TRAF3: variants seen among roughly 807,000 people sequenced by gnomAD.
The protein encoded by TRAF3 is TNF receptor associated factor 3.
A neutral mutation model predicts 62.3 loss-of-function variants in TRAF3; 13 were observed. The ratio of observed to expected loss-of-function variants is 0.21; its 90% confidence interval spans 0.14 to 0.33. TRAF3 has a LOEUF of 0.33. TRAF3 is among the 10% of genes least tolerant of loss of function. TRAF3 has a pLI of 1.00. For missense variants in TRAF3, 440 were observed against 741.8 expected, an observed-to-expected ratio of 0.59 and a Z score of 4.73; for synonymous variants, 269 against 283.4, an observed-to-expected ratio of 0.95 and a Z score of 0.51.
In TRAF3 at chr14:102,906,122, G is replaced by T; in HGVS notation, c.*338G>T. 4.6e-6 allele frequency: 1 copy of T among 218,864 alleles called. No homozygotes were observed. The highest frequency in any genetic ancestry group is 9.2e-6 in the Non-Finnish European group (1 of 109,130). The allele number at this position is 218,864 out of a possible 1,614,324, so 13.6% of individuals were successfully genotyped here. On this transcript the variant is annotated 3_prime_UTR_variant, in exon 12 of 12. Coordinates refer to ENST00000392745, the MANE Select transcript of TRAF3 (RefSeq NM_145725.3). ...AACATGATTTTTCTTCCTTAAACTT[G>T]AACACCAAAAAAACACACACACACA...
At chr14:102,807,963 G>A (rs1288799941) in intron 1 of TRAF3, among the ~76,000 whole-genome samples, 1 of 152,192 alleles carries the variant, frequency 6.6e-6, no homozygotes, top group African/African-American at 2.4e-5. Flanking sequence ...GGAAGTTGAG[G>A]CAGCATACCT....
In TRAF3 at chr14:102,905,963, T is replaced by C. The variant is rs996814544; in HGVS notation, c.*179T>C. On this transcript the variant is annotated 3_prime_UTR_variant, in exon 12 of 12. Coordinates refer to ENST00000392745, the MANE Select transcript of TRAF3 (RefSeq NM_145725.3). The stretch of plus-strand genomic sequence containing the variant: ...TGAGCACACCTGACACGTTTTATAA[T>C]AGACTAGCCACACTTCACTCTGAAG... 2.5e-5 allele frequency: 14 copies of C among 562,032 alleles called. No homozygotes were observed. Among genetic ancestry groups the C allele is most frequent in the Non-Finnish European group, 3.8e-5 (12 of 318,024 alleles). The allele number at this position is 562,032 out of a possible 1,614,324, so 34.8% of individuals were successfully genotyped here.
chr14:102,900,180 G>GGAA (rs1491368667), intron 10 of TRAF3, among the ~76,000 whole-genome samples: 2 of 91,446 alleles, frequency 2.2e-5, no homozygotes, highest in Non-Finnish European at 4.3e-5. Context: ...CTCCGTCTCG[G>GGAA]AAAAAAAAAA....
At chr14:102,871,600 C>G (rs1288057185) in intron 3 of TRAF3, among the ~76,000 whole-genome samples, 2 of 152,254 alleles carry the variant, frequency 1.3e-5, no homozygotes, top group Non-Finnish European at 2.9e-5. Flanking sequence ...CACTGAAGAG[C>G]TGCTCTGCAG....
At chr14:102,780,090 A>G (rs1317791475) in intron 1 of TRAF3, among the ~76,000 whole-genome samples, 2 of 152,184 alleles carry the variant, frequency 1.3e-5, no homozygotes, top group African/African-American at 2.4e-5. Context: ...AGAGTGAGAA[A>G]GAAGGAGGTG....
intron 1 of TRAF3, among the ~76,000 whole-genome samples, chr14:102,783,410 T>A (rs1256175770): frequency 6.6e-6 from 1 of 152,238 alleles, no homozygotes; most frequent in African/African-American, 2.4e-5. Context: ...ACTAGTTCTC[T>A]TGAGCTCTTT....
In TRAF3 at chr14:102,889,552, C is replaced by T. The variant is rs751024987; in HGVS notation, c.652-8C>T. On this transcript the variant is annotated splice_polypyrimidine_tract_variant and splice_region_variant and intron_variant, in intron 7 of 11. Transcript: ENST00000392745. Reference sequence around the variant, plus strand: ...TGTGCCACAACTCACGTCTCTTTCCCGTTGCAGTTGAGTGCACACTTGTCA... The same window carrying T: ...TGTGCCACAACTCACGTCTCTTTCCTGTTGCAGTTGAGTGCACACTTGTCA... 2.1e-5 allele frequency: 34 copies of T among 1,613,968 alleles called. No individual in the cohort carries two copies. Among genetic ancestry groups the T allele is most frequent in the African/African-American group, 4.0e-5 (3 of 74,940 alleles).
At chr14:102,861,429 G>A (rs1200422438) in intron 2 of TRAF3, among the ~76,000 whole-genome samples, 1 of 152,198 alleles carries the variant, frequency 6.6e-6, no homozygotes, top group African/African-American at 2.4e-5. Flanking sequence ...AGTCAAGCGT[G>A]CTTGCCTTTT....
At position 102,829,312 on chromosome 14, in the gene TRAF3, T is replaced by C. The variant is rs1352641754; in HGVS notation, c.-156-1022T>C. Among the ~76,000 whole-genome samples, 7 of 152,350 alleles carry C rather than the reference T, an allele frequency of 4.6e-5. 1 individual carries two copies. The highest frequency in any genetic ancestry group is 6.8e-3 in the Middle Eastern group (2 of 294). ...GCTGAGGGCCTGCATTCGTGATTAG[T>C]GTAAATAAATTCAGCTTTCCATATG... On this transcript the variant is annotated intron_variant, in intron 1 of 11. Transcript: ENST00000392745.
chr14:102,794,122 T>G (rs1897945913), intron 1 of TRAF3, among the ~76,000 whole-genome samples: 1 of 152,100 alleles, frequency 6.6e-6, no homozygotes, highest in Non-Finnish European at 1.5e-5. Context: ...CTCAGAACTC[T>G]TAGAGTGAGT....
intron 7 of TRAF3, among the ~76,000 whole-genome samples, chr14:102,888,793 A>G (rs1889550020): frequency 6.6e-6 from 1 of 152,224 alleles, no homozygotes; most frequent in Admixed American, 6.5e-5. Flanking sequence ...ACATGACTCT[A>G]AGTCCTTAAA....
rs999733460 is a variant in TRAF3, at chr14:102,906,754, A to G, written c.*970A>G. On this transcript the variant is annotated 3_prime_UTR_variant, in exon 12 of 12. Coordinates refer to ENST00000392745, the MANE Select transcript of TRAF3 (RefSeq NM_145725.3). ...GGACGAGCTCTCTGTTGCTGACAGC[A>G]CCGGCCTTCGGTCTCCATGTCAGGG... is the stretch of plus-strand genomic sequence containing the variant. 4 of 152,206 alleles carry G rather than the reference A, an allele frequency of 2.6e-5. No homozygotes were observed. Among genetic ancestry groups the G allele is most frequent in the African/African-American group, 9.6e-5 (4 of 41,452 alleles). 9.4% of individuals were successfully genotyped at this position (152,206 alleles called of 1,614,324 possible).
At chr14:102,805,005 G>C (rs1269306375) in intron 1 of TRAF3, among the ~76,000 whole-genome samples, 2 of 152,132 alleles carry the variant, frequency 1.3e-5, no homozygotes, top group Admixed American at 1.3e-4. Flanking sequence ...GACCTTCCCT[G>C]GACGTAGAAG....
rs146444647 is a variant in TRAF3 at position 102,865,434 on chromosome 14, G to C, written c.-17-4751G>C. ...TTGCTTCTGTGATAGAATTAGAGCT[G>C]CTTTCTGTTTTTATATATTGGATTG... On this transcript the variant is annotated intron_variant, in intron 2 of 11. Coordinates refer to ENST00000392745, the MANE Select transcript of TRAF3 (RefSeq NM_145725.3). 5.0e-3 allele frequency among the ~76,000 whole-genome samples: 764 copies of C among 151,808 alleles called. 3 individuals are homozygous for C. The highest frequency in any genetic ancestry group is 8.8e-3 in the Non-Finnish European group (598 of 67,968).
intron 10 of TRAF3, among the ~76,000 whole-genome samples, chr14:102,897,692 A>G (rs958488070): frequency 2.6e-5 from 4 of 152,192 alleles, no homozygotes; most frequent in Non-Finnish European, 5.9e-5. Context: ...CGAAGCTTGT[A>G]TTTGTTAAAT....
intron 1 of TRAF3, among the ~76,000 whole-genome samples, chr14:102,786,869 A>G (rs1897529890): frequency 6.6e-6 from 1 of 152,158 alleles, no homozygotes; most frequent in African/African-American, 2.4e-5. Flanking sequence ...GTGCTCCTGT[A>G]GTCCCATCTA....
intron 1 of TRAF3, among the ~76,000 whole-genome samples, chr14:102,818,418 G>A (rs1171456163): frequency 6.6e-6 from 1 of 152,202 alleles, no homozygotes; most frequent in Non-Finnish European, 1.5e-5. Context: ...ACTTCATGGA[G>A]TGGAAGCATT....
chr14:102,832,260 A>G (rs1327273886), intron 2 of TRAF3, among the ~76,000 whole-genome samples: 1 of 152,124 alleles, frequency 6.6e-6, no homozygotes, highest in African/African-American at 2.4e-5. Flanking sequence ...TCTTTCTTTT[A>G]AACATAAAAT....
rs1381571409 is a variant in TRAF3, at chr14:102,811,913, C to CCTTTT, written c.-156-18421_-156-18420insCTTTT. On this transcript the variant is annotated intron_variant, in intron 1 of 11. Coordinates refer to ENST00000392745, the MANE Select transcript of TRAF3 (RefSeq NM_145725.3). ...TAGGCTTGTGCCACCATGCCTGGCCCTTTTTTTTTTTTTTTTTTTTTTTTT... is the reference window on the plus strand; with the variant it reads ...TAGGCTTGTGCCACCATGCCTGGCCCCTTTTTTTTTTTTTTTTTTTTTTTTTTTTT... Among the ~76,000 whole-genome samples, 239 of 47,112 alleles carry CCTTTT rather than the reference C, an allele frequency of 5.1e-3. 2 individuals are homozygous for CCTTTT. Among genetic ancestry groups the CCTTTT allele is most frequent in the Middle Eastern group, 0.045 (2 of 44 alleles). The allele number at this position is 47,112 out of a possible 152,430, so 30.9% of individuals were successfully genotyped here.
Sources: gnomAD v4.1 joint callset for allele counts (sites outside exome capture counted in the v4.1 genomes callset) on GRCh38, gnomAD v4.1.1 for gene constraint, MANE v1.5 for transcripts, NCBI Gene and HGNC (gene_info 2026-07-23, HGNC 2026-07-21) for gene names.